The following BTD variants were observed in gnomAD, a reference collection of about 807,000 sequenced individuals.
The protein encoded by BTD is biotinidase, also known as biocytinase.
In BTD, 13 loss-of-function variants were observed where a neutral mutation model predicts 17.7. The observed-to-expected ratio is 0.74, with a 90% CI of 0.48 to 1.17. The LOEUF is 1.17. BTD is among the 50% of genes most tolerant of loss of function. The pLI is 0.00. For missense variants in BTD, 674 were observed against 650.4 expected (o/e 1.04, Z -0.39); for synonymous variants, 240 against 245.2 (o/e 0.98, Z 0.20).
At chr3:15,654,459 G>A (rs527521702), downstream of BTD, among the ~76,000 whole-genome samples, 5 of 152,260 alleles carry the variant, frequency 3.3e-5, no homozygotes, top group South Asian at 1.0e-3. Flanking sequence ...GACTCACTGA[G>A]GGGAATGTAA....
At chr3:15,676,683 C>T in intron 3 of BTD, 2 of 241,528 alleles carry the variant, frequency 8.3e-6, no homozygotes, top group Non-Finnish European at 1.6e-5. Flanking sequence ...AGTTGATTTC[C>T]ACAGAATACA....
At chr3:15,602,268 A>C (rs781614230) in intron 1 of BTD, 345 of 1,231,896 alleles carry the variant, frequency 2.8e-4, no homozygotes, top group Middle Eastern at 1.6e-3. Flanking sequence ...CCTACCCACT[A>C]TTCAGCCATT....
In BTD at chr3:15,711,603, A is replaced by G. The variant is rs144511285; in HGVS notation, c.*1529A>G. 2.5e-4 allele frequency among the ~76,000 whole-genome samples: 38 copies of G among 152,288 alleles called. No individual in the cohort carries two copies. In the South Asian group the frequency reaches 4.8e-3, roughly 19 times the overall value. On this transcript the variant is annotated 3_prime_UTR_variant, in exon 4 of 4. Transcript: ENST00000672141. ...CAAATTTTATAGAGATGAAAAGTAG[A>G]TTAGTGGTTGCCTAGGGCTGAGGGA...
chr3:15,613,056 C>T (rs2064683251), intron 1 of BTD, among the ~76,000 whole-genome samples: 1 of 152,118 alleles, frequency 6.6e-6, no homozygotes, highest in Non-Finnish European at 1.5e-5. Flanking sequence ...AATTCAGACC[C>T]ACCAGGGTAA....
chr3:15,690,601 G>T (rs755637564), intron 3 of BTD, among the ~76,000 whole-genome samples: 3 of 152,106 alleles, frequency 2.0e-5, no homozygotes, highest in Non-Finnish European at 4.4e-5. Flanking sequence ...GTCTTGCTCT[G>T]TTGCCCCAGC....
chr3:15,714,735 T>A, downstream of BTD: 1 of 917,570 alleles, frequency 1.1e-6, no homozygotes, highest in African/African-American at 1.7e-5. Flanking sequence ...AATACCCTCT[T>A]GCATCTTTAT....
At chr3:15,619,105 G>A (rs1041925460) in intron 1 of BTD, among the ~76,000 whole-genome samples, 9 of 152,152 alleles carry the variant, frequency 5.9e-5, no homozygotes, top group African/African-American at 1.9e-4. Flanking sequence ...GGTGAGAAGG[G>A]ACATCATTAC....
At chr3:15,697,506 G>GT (rs2069808504) in intron 3 of BTD, 1 of 151,492 alleles carries the variant, frequency 6.6e-6, no homozygotes. Flanking sequence ...TTAATCATGT[G>GT]TTTGTTTTTT....
intron 3 of BTD, among the ~76,000 whole-genome samples, chr3:15,673,612 G>C (rs1469793392): frequency 6.6e-6 from 1 of 152,054 alleles, no homozygotes; most frequent in Non-Finnish European, 1.5e-5. Flanking sequence ...GAATGCTATG[G>C]TAGGGGTATC....
chr3:15,695,127 A>G (rs549059753), intron 3 of BTD: 12 of 1,328,096 alleles, frequency 9.0e-6, no homozygotes, highest in Admixed American at 1.8e-5. Flanking sequence ...ACAGATAAAC[A>G]TAACTGGTAG....
chr3:15,722,361 C>T (rs2073821142), downstream of BTD, among the ~76,000 whole-genome samples: 1 of 152,124 alleles, frequency 6.6e-6, no homozygotes, highest in African/African-American at 2.4e-5. Context: ...CACACTGATG[C>T]CAGGGAAGAA....
intron 3 of BTD, among the ~76,000 whole-genome samples, chr3:15,679,075 A>G (rs2067252352): frequency 6.6e-6 from 1 of 151,940 alleles, no homozygotes; most frequent in African/African-American, 2.4e-5. Context: ...CCTGGGCTCA[A>G]GTGATCCTCC....
Position 15,670,288 on chromosome 3 carries a change from G to A in BTD, c.399+28231G>A, listed in dbSNP as rs770157366. ...CAGCCTCTCAGTAGGTCTCAGAATCGGAGTCGTTGAGCTCATCCACGTCAG... is the reference window on the plus strand; with the variant it reads ...CAGCCTCTCAGTAGGTCTCAGAATCAGAGTCGTTGAGCTCATCCACGTCAG... On this transcript the variant is annotated intron_variant, in intron 3 of 3. Coordinates refer to the BTD transcript ENST00000672141. 3.7e-6 allele frequency: 6 copies of A among 1,613,166 alleles called. No individual in the cohort carries two copies. In the Admixed American group the frequency reaches 5.0e-5, roughly 13 times the overall value.
chr3:15,687,383 G>C (rs1045243012), intron 3 of BTD, among the ~76,000 whole-genome samples: 3 of 151,998 alleles, frequency 2.0e-5, no homozygotes, highest in Admixed American at 6.6e-5. Context: ...TCTAAAGAAT[G>C]CATGTGTTAA....
intron 1 of BTD, among the ~76,000 whole-genome samples, chr3:15,626,800 AG>A (rs1274896582): frequency 6.6e-6 from 1 of 150,552 alleles, no homozygotes; most frequent in Non-Finnish European, 1.5e-5. Context: ...AAAAAAGAAA[AG>A]AAAAGAAAAA....
At chr3:15,675,381 C>T (rs2066829187) in intron 3 of BTD, among the ~76,000 whole-genome samples, 1 of 152,076 alleles carries the variant, frequency 6.6e-6, no homozygotes, top group Admixed American at 6.6e-5. Context: ...ATGGCAGTAG[C>T]TGGCAGGAGC....
intron 4 of BTD, among the ~76,000 whole-genome samples, chr3:15,717,853 T>A (rs2470517): frequency 0.72 from 109,747 of 152,068 alleles, 39,805 homozygotes; most frequent in East Asian, 0.93. Flanking sequence ...AATGAATTTA[T>A]AACCTTAGAA....
intron 1 of BTD, among the ~76,000 whole-genome samples, chr3:15,611,075 C>T (rs2064613135): frequency 6.6e-6 from 1 of 151,984 alleles, no homozygotes; most frequent in South Asian, 2.1e-4. Flanking sequence ...TTAAATTTAA[C>T]TGGGCCACCT....
intron 3 of BTD, among the ~76,000 whole-genome samples, chr3:15,666,884 T>C (rs1254177733): frequency 6.6e-6 from 1 of 152,212 alleles, no homozygotes; most frequent in Non-Finnish European, 1.5e-5. Context: ...GTTCTGATCT[T>C]CCCTCCCAAT....
Sources: allele counts gnomAD v4.1 joint callset (sites outside exome capture counted in the v4.1 genomes callset), GRCh38; gene constraint gnomAD v4.1.1; transcripts MANE v1.5; gene names NCBI Gene and HGNC (gene_info 2026-07-23, HGNC 2026-07-21).